Variants in ATXN10 observed in about 807,000 individuals in gnomAD.
ATXN10 encodes ataxin 10.
A neutral mutation model predicts 52.9 loss-of-function variants in ATXN10; 28 were observed. That is an observed-to-expected ratio of 0.53 (90% CI 0.39 to 0.73). The LOEUF is 0.73. ATXN10 is among the 30% of genes least tolerant of loss of function. The pLI is 0.00. For missense variants in ATXN10, 565 were observed against 577.0 expected (o/e 0.98, Z 0.21); for synonymous variants, 226 against 221.5 (o/e 1.02, Z -0.18).
At chr22:45,778,520 A>G (rs1271787387) in intron 9 of ATXN10, among the ~76,000 whole-genome samples, 2 of 152,228 alleles carry the variant, frequency 1.3e-5, no homozygotes, top group African/African-American at 2.4e-5. Context: ...AATGTGTAAA[A>G]CAAAGTAGAA....
Position 45,833,452 on chromosome 22 carries a change from A to G in ATXN10, c.1238-9539A>G, listed in dbSNP as rs1228582312. 6.6e-6 allele frequency among the ~76,000 whole-genome samples: 1 copy of G among 152,192 alleles called. No individual in the cohort carries two copies. The highest frequency in any genetic ancestry group is 6.5e-5 in the Admixed American group (1 of 15,284). ...AATCGCCAGAAGCTCCACCCTGTTCATGTTCTTCATTTAATCCTTTCTAAC... is the reference window on the plus strand; with the variant it reads ...AATCGCCAGAAGCTCCACCCTGTTCGTGTTCTTCATTTAATCCTTTCTAAC... On this transcript the variant is annotated intron_variant, in intron 10 of 11. Coordinates refer to ENST00000252934, the MANE Select transcript of ATXN10 (RefSeq NM_013236.4). The surrounding 1 kb of genome is among the most constrained non-coding windows in gnomAD (Gnocchi z 4.3).
At chr22:45,724,033 A>G (rs1039850891) in intron 6 of ATXN10, among the ~76,000 whole-genome samples, 2 of 83,010 alleles carry the variant, frequency 2.4e-5, no homozygotes, top group Non-Finnish European at 4.5e-5. Flanking sequence ...ATGGTTGAGT[A>G]GTATTCCATT....
At chr22:45,771,141 A>G (rs1376163508) in intron 9 of ATXN10, among the ~76,000 whole-genome samples, 3 of 152,244 alleles carry the variant, frequency 2.0e-5, no homozygotes, top group Non-Finnish European at 4.4e-5. Flanking sequence ...AAACCTCTAC[A>G]CACAAATGTT....
At position 45,783,114 on chromosome 22, in the gene ATXN10, A is replaced by G. The variant is rs186995398; in HGVS notation, c.1174-23845A>G. ...AAGCACTTTATGGCTTCTCTTTGGCATATTCAAATTGGCAGCATCACTACT... is the reference window on the plus strand; with the variant it reads ...AAGCACTTTATGGCTTCTCTTTGGCGTATTCAAATTGGCAGCATCACTACT... On this transcript the variant is annotated intron_variant, in intron 9 of 11. Transcript: ENST00000252934. The surrounding 1 kb of genome is among the most constrained non-coding windows in gnomAD (Gnocchi z 5.0). 6.6e-6 allele frequency among the ~76,000 whole-genome samples: 1 copy of G among 152,290 alleles called. No individual in the cohort carries two copies. The highest frequency in any genetic ancestry group is 2.4e-5 in the African/African-American group (1 of 41,554).
intron 7 of ATXN10, chr22:45,738,356 G>A (rs1925379426): frequency 5.7e-6 from 1 of 175,188 alleles, no homozygotes; most frequent in Non-Finnish European, 1.2e-5. Context: ...GAATTTGCAT[G>A]CTGGGAATGC....
chr22:45,754,239 G>C lies in ATXN10; in HGVS notation c.1173+13701G>C, dbSNP rs1926096940. Reference sequence around the variant, plus strand: ...GTGCATGGGAAATTTTGATTCAGGTGAAAAAACAGTTTAAATTCTAGGATA... The same window carrying C: ...GTGCATGGGAAATTTTGATTCAGGTCAAAAAACAGTTTAAATTCTAGGATA... On this transcript the variant is annotated intron_variant, in intron 9 of 11. Coordinates refer to ENST00000252934, the MANE Select transcript of ATXN10 (RefSeq NM_013236.4). The surrounding 1 kb of genome is among the most constrained non-coding windows in gnomAD (Gnocchi z 5.4). Among the ~76,000 whole-genome samples the C allele has an allele frequency of 6.6e-6, 1 of 152,190 alleles. No homozygotes were observed. Among genetic ancestry groups the C allele is most frequent in the African/African-American group, 2.4e-5 (1 of 41,448 alleles).
At chr22:45,814,943 C>G (rs1928407318) in intron 10 of ATXN10, among the ~76,000 whole-genome samples, 1 of 152,192 alleles carries the variant, frequency 6.6e-6, no homozygotes, top group Non-Finnish European at 1.5e-5. Context: ...CATCTGAAAC[C>G]ACACACCCCC....
chr22:45,831,917 G>C (rs1929005268), intron 10 of ATXN10, among the ~76,000 whole-genome samples: 1 of 152,228 alleles, frequency 6.6e-6, no homozygotes, highest in East Asian at 1.9e-4. Context: ...GGTGCACTGA[G>C]TGTGTTGTGC....
intron 5 of ATXN10, among the ~76,000 whole-genome samples, chr22:45,714,169 G>A (rs932047866): frequency 1.3e-5 from 2 of 152,066 alleles, no homozygotes; most frequent in African/African-American, 2.4e-5. Flanking sequence ...GGTGTAAACC[G>A]GCCTTCTTGC....
chr22:45,793,347 G>A, intron 9 of ATXN10: 1 of 207,388 alleles, frequency 4.8e-6, no homozygotes, highest in Non-Finnish European at 9.5e-6. Flanking sequence ...TCTTCACGAA[G>A]CCTGGCAGTA....
Position 45,715,522 on chromosome 22 carries a change from T to C in ATXN10, c.648-2891T>C, listed in dbSNP as rs889672679. Among the ~76,000 whole-genome samples the C allele has an allele frequency of 1.3e-5, 2 of 152,230 alleles. No individual in the cohort carries two copies. The highest frequency in any genetic ancestry group is 2.4e-5 in the African/African-American group (1 of 41,454). ...ACTTTCTTATAACATGAGTTGTTTT[T>C]GTTATTTGCTGTTGTTGTTGTTGTT... On this transcript the variant is annotated intron_variant, in intron 5 of 11. Transcript: ENST00000252934. This position sits in a 1 kb window ranked among gnomAD's most constrained non-coding sequence, Gnocchi z 4.4.
At chr22:45,707,755 T>G (rs928384517) in intron 5 of ATXN10, among the ~76,000 whole-genome samples, 2 of 151,984 alleles carry the variant, frequency 1.3e-5, no homozygotes, top group Non-Finnish European at 2.9e-5. Context: ...GGTTAAATGA[T>G]CACTTCTGCA....
In ATXN10 at chr22:45,687,146, T is replaced by C. The variant is rs1404056197; in HGVS notation, c.117-2566T>C. Among the ~76,000 whole-genome samples the C allele has an allele frequency of 2.0e-5, 3 of 152,240 alleles. No homozygotes were observed. The East Asian group carries it at 5.8e-4, about 29-fold the overall frequency. On this transcript the variant is annotated intron_variant, in intron 1 of 11. Coordinates refer to ENST00000252934, the MANE Select transcript of ATXN10 (RefSeq NM_013236.4). ...GCTCAGTTAAATGCTTTTCATTTGG[T>C]TAAAATTATTATAAGGGCATGGTGC...
At chr22:45,811,954 A>G (rs1440918761) in intron 10 of ATXN10, among the ~76,000 whole-genome samples, 3 of 152,210 alleles carry the variant, frequency 2.0e-5, no homozygotes, top group South Asian at 2.1e-4. Flanking sequence ...AGCCTAGTCT[A>G]TCACATTCTA....
chr22:45,702,934 T>G, intron 5 of ATXN10, 87 bp downstream of exon 5: 1 of 1,505,026 alleles, frequency 6.6e-7, no homozygotes. Context: ...AATTTGGACA[T>G]TGTGATAATT....
At chr22:45,689,045 C>T (rs1272481743) in intron 1 of ATXN10, among the ~76,000 whole-genome samples, 3 of 152,264 alleles carry the variant, frequency 2.0e-5, no homozygotes, top group Middle Eastern at 3.4e-3. Flanking sequence ...GGCATACATT[C>T]TTGGTGGAAG....
At chr22:45,797,879 A>T (rs1758682032) in intron 9 of ATXN10, among the ~76,000 whole-genome samples, 1 of 152,252 alleles carries the variant, frequency 6.6e-6, no homozygotes, top group Admixed American at 6.5e-5. Flanking sequence ...ATCATTATAG[A>T]TATTACAGAC....
intron 3 of ATXN10, 90 bp from the exon 4 acceptor site, chr22:45,700,192 T>C: frequency 1.0e-6 from 1 of 973,624 alleles, no homozygotes; most frequent in Non-Finnish European, 1.5e-6. Context: ...AAACTTTCTG[T>C]TTAATAACAT....
Position 45,733,342 on chromosome 22 carries a change from AT to A in ATXN10, c.894+3758del, listed in dbSNP as rs1925159997. On this transcript the variant is annotated intron_variant, in intron 7 of 11. Transcript: ENST00000252934. The surrounding 1 kb of genome is among the most constrained non-coding windows in gnomAD (Gnocchi z 4.4). Reference sequence around the variant, plus strand: ...ATACATATTCTACAATAAATAGTGTATTTTTTCCACATATTAAGGGCTTAAA... The same window carrying A: ...ATACATATTCTACAATAAATAGTGTATTTTTCCACATATTAAGGGCTTAAA... Among the ~76,000 whole-genome samples, 1 of 152,192 alleles carries A rather than the reference AT, an allele frequency of 6.6e-6. No individual in the cohort carries two copies. Among genetic ancestry groups the A allele is most frequent in the African/African-American group, 2.4e-5 (1 of 41,456 alleles).
Sources: allele counts gnomAD v4.1 joint callset (sites outside exome capture counted in the v4.1 genomes callset), GRCh38; gene constraint gnomAD v4.1.1; non-coding constraint Gnocchi (gnomAD v3.1); transcripts MANE v1.5; gene names NCBI Gene and HGNC (gene_info 2026-07-23, HGNC 2026-07-21).